The following NR6A1 variants were observed in gnomAD, a reference collection of about 807,000 sequenced individuals.
The protein encoded by NR6A1 is retinoic acid receptor-related testis-associated receptor.
NR6A1 carries 7 observed loss-of-function variants against 59.1 expected under a neutral mutation model. That is an observed-to-expected ratio of 0.12 (90% CI 0.07 to 0.22). The LOEUF (loss-of-function observed/expected upper bound fraction) is 0.22, where lower values mean the gene tolerates loss of function less well. NR6A1 is among the 10% of genes least tolerant of loss of function. The pLI, the probability that NR6A1 is intolerant of heterozygous loss-of-function variation, is 1.00. For missense variants in NR6A1, 468 were observed against 611.6 expected, an observed-to-expected ratio of 0.77 and a Z score of 2.48; for synonymous variants, 243 against 236.1, an observed-to-expected ratio of 1.03 and a Z score of -0.27.
At position 124,538,236 on chromosome 9, in the gene NR6A1, G is replaced by A. The variant is rs748111706; in HGVS notation, c.680C>T (p.Pro227Leu). 5 of 1,614,084 alleles carry A rather than the reference G, an allele frequency of 3.1e-6. No homozygotes were observed. Among genetic ancestry groups the A allele is most frequent in the South Asian group, 1.1e-5 (1 of 91,078 alleles). Residue 227 changes from proline to leucine, a missense_variant, in exon 6 of 10, where the codon CCG (proline) becomes CTG (leucine). Physicochemically the swap from Pro to Leu is moderately conservative, Grantham distance 98. Coordinates refer to ENST00000487099, the MANE Select transcript of NR6A1 (RefSeq NM_033334.4). ...MSVPPHYQYI[P>L]HLFSYSGHSP... ...GTGGCCAGAATAGCTAAAAAGGTGC[G>A]GTATATATTGGTAATGTGGAGGCAC...
At chr9:124,594,699 A>C (rs890495999) in intron 2 of NR6A1, among the ~76,000 whole-genome samples, 1 of 152,190 alleles carries the variant, frequency 6.6e-6, no homozygotes, top group African/African-American at 2.4e-5. Flanking sequence ...TAATTCTGGC[A>C]TGTAAGGTGC....
At chr9:124,702,183 G>A (rs1484621579) in intron 2 of NR6A1, among the ~76,000 whole-genome samples, 1 of 152,124 alleles carries the variant, frequency 6.6e-6, no homozygotes, top group Non-Finnish European at 1.5e-5. Flanking sequence ...CATCTAAGAG[G>A]TCTTTGCCTA....
intron 2 of NR6A1, chr9:124,595,922 G>C: frequency 1.3e-6 from 1 of 774,380 alleles, no homozygotes; most frequent in South Asian, 1.6e-5. Flanking sequence ...TTACAAGCTG[G>C]TCATGTGATT....
intron 2 of NR6A1, among the ~76,000 whole-genome samples, chr9:124,573,104 T>TG (rs1374146505): frequency 1.3e-5 from 2 of 151,948 alleles, no homozygotes; most frequent in Non-Finnish European, 1.5e-5. Context: ...GACAATGGGG[T>TG]GGGAAAAAAG....
intron 2 of NR6A1, chr9:124,599,036 C>G: frequency 1.4e-6 from 1 of 736,272 alleles, no homozygotes; most frequent in Non-Finnish European, 2.5e-6. Flanking sequence ...CATGAGGAGG[C>G]GGGTGGTCCC....
chr9:124,742,640 G>C (rs1172493723), intron 1 of NR6A1, among the ~76,000 whole-genome samples: 4 of 152,162 alleles, frequency 2.6e-5, no homozygotes, highest in Admixed American at 2.6e-4. Context: ...ATTTTGGGAG[G>C]CTGAGGTGGG....
chr9:124,553,798 CT>C (rs1833852766), intron 3 of NR6A1, among the ~76,000 whole-genome samples: 1 of 151,982 alleles, frequency 6.6e-6, no homozygotes, highest in African/African-American at 2.4e-5. Context: ...CCAATTCACC[CT>C]CCAAAACAGC....
At chr9:124,567,609 G>A (rs1180893501) in intron 2 of NR6A1, among the ~76,000 whole-genome samples, 1 of 151,748 alleles carries the variant, frequency 6.6e-6, no homozygotes, top group Non-Finnish European at 1.5e-5. Context: ...CCACAAAAAG[G>A]AAAAACAAAC....
At chr9:124,638,942 T>G (rs934295847) in intron 2 of NR6A1, among the ~76,000 whole-genome samples, 3 of 152,202 alleles carry the variant, frequency 2.0e-5, no homozygotes, top group Non-Finnish European at 4.4e-5. Context: ...TCCTTGTCTT[T>G]ACGGGAAGCT....
chr9:124,635,067 AACAAATAT>A (rs1264981196), intron 2 of NR6A1, among the ~76,000 whole-genome samples: 2 of 152,306 alleles, frequency 1.3e-5, no homozygotes, highest in South Asian at 2.1e-4. Flanking sequence ...AATGGGTTTT[AACAAATAT>A]ATAATGACAT....
intron 2 of NR6A1, among the ~76,000 whole-genome samples, chr9:124,621,067 C>T (rs1384440051): frequency 6.6e-6 from 1 of 152,168 alleles, no homozygotes; most frequent in Non-Finnish European, 1.5e-5. Flanking sequence ...TCAATAGATA[C>T]AGTGGTAAAA....
chr9:124,692,937 G>C (rs1452692681), intron 2 of NR6A1, among the ~76,000 whole-genome samples: 1 of 152,194 alleles, frequency 6.6e-6, no homozygotes, highest in Non-Finnish European at 1.5e-5. Context: ...TTAGGGGCAA[G>C]GGGAGGATTT....
chr9:124,665,999 A>T (rs1344274571), intron 2 of NR6A1, among the ~76,000 whole-genome samples: 1 of 152,222 alleles, frequency 6.6e-6, no homozygotes, highest in Non-Finnish European at 1.5e-5. Flanking sequence ...CAGAGCAGGA[A>T]GCTCCCAAGA....
chr9:124,701,542 A>G (rs1564244849), intron 2 of NR6A1, among the ~76,000 whole-genome samples: 2 of 152,218 alleles, frequency 1.3e-5, no homozygotes, highest in Non-Finnish European at 1.5e-5. Context: ...CCATTAAACA[A>G]TAACTACTTA....
rs187255636 is a variant in NR6A1, at chr9:124,580,131, T to C, written c.143-25561A>G. 2.6e-5 allele frequency among the ~76,000 whole-genome samples: 4 copies of C among 152,360 alleles called. No homozygotes were observed. The East Asian group carries it at 7.7e-4, about 29-fold the overall frequency. On this transcript the variant is annotated intron_variant, in intron 2 of 9. Transcript: ENST00000487099. ...CAAACACAAACTAGTACATGAATAT[T>C]TATAGCACTTCTATTTATAATCATC...
intron 2 of NR6A1, among the ~76,000 whole-genome samples, chr9:124,707,314 C>A (rs1280543259): frequency 6.6e-6 from 1 of 152,158 alleles, no homozygotes; most frequent in East Asian, 1.9e-4. Context: ...TACTTTTCAA[C>A]TCCAGTCCAG....
At chr9:124,559,480 T>C (rs1834018779) in intron 2 of NR6A1, among the ~76,000 whole-genome samples, 1 of 152,104 alleles carries the variant, frequency 6.6e-6, no homozygotes, top group Non-Finnish European at 1.5e-5. Context: ...TTAAAGATAA[T>C]AATGGAGTTT....
At chr9:124,610,007 G>A (rs1321557970) in intron 2 of NR6A1, among the ~76,000 whole-genome samples, 1 of 152,120 alleles carries the variant, frequency 6.6e-6, no homozygotes, top group Non-Finnish European at 1.5e-5. Context: ...AAGCTTTTGG[G>A]CAGAAATGAT....
intron 2 of NR6A1, among the ~76,000 whole-genome samples, chr9:124,598,133 G>A (rs1356902213): frequency 6.6e-6 from 1 of 152,192 alleles, no homozygotes; most frequent in Non-Finnish European, 1.5e-5. Context: ...ACAGGCATGA[G>A]CAACCACACC....
Sources: allele counts gnomAD v4.1 joint callset (sites outside exome capture counted in the v4.1 genomes callset), GRCh38; gene constraint gnomAD v4.1.1; transcripts MANE v1.5; gene names NCBI Gene and HGNC (gene_info 2026-07-23, HGNC 2026-07-21).